The following DNAJC14 variants were observed in gnomAD, a reference collection of about 807,000 sequenced individuals.
DNAJC14 encodes dnaJ homolog subfamily C member 14.
DNAJC14 carries 12 observed loss-of-function variants against 68.8 expected under a neutral mutation model. The ratio of observed to expected loss-of-function variants is 0.17; its 90% CI spans 0.11 to 0.28. DNAJC14 has a LOEUF of 0.28. Among genes scored for constraint, DNAJC14 ranks in the 10% least tolerant of loss-of-function variants. The probability of loss-of-function intolerance (pLI) is 1.00; values close to 1 mark genes in which losing one functional copy is unlikely to be tolerated. For synonymous variants in DNAJC14, 350 were observed against 321.5 expected, an observed-to-expected ratio of 1.09 and a Z score of -0.95; for missense variants, 764 against 875.6, an observed-to-expected ratio of 0.87 and a Z score of 1.61.
At chr12:55,825,539 C>A (rs902503744) in intron 2 of DNAJC14, among the ~76,000 whole-genome samples, 1 of 131,384 alleles carries the variant, frequency 7.6e-6, no homozygotes, top group Non-Finnish European at 1.6e-5. Context: ...ATCTGCACAC[C>A]CTCTTTTTTT....
chr12:55,829,041 C>A, intron 1 of DNAJC14: 3 of 929,066 alleles, frequency 3.2e-6, no homozygotes, highest in Non-Finnish European at 3.9e-6. Flanking sequence ...GGAAAGGGGG[C>A]CACAGACTTC....
At chr12:55,829,843 C>G (rs1880929651), upstream of DNAJC14, 1 of 152,800 alleles carries the variant, frequency 6.5e-6, no homozygotes, top group Admixed American at 6.5e-5. Context: ...GACTCTGCAC[C>G]AATGCCTGCA....
At chr12:55,829,648 A>G (rs1880919013), upstream of DNAJC14, 7 of 974,626 alleles carry the variant, frequency 7.2e-6, no homozygotes, top group East Asian at 1.1e-4. Context: ...TTCCGGGGTC[A>G]CCAGGGAAGA....
At position 55,829,539 on chromosome 12, in the gene DNAJC14, G is replaced by C. The variant is rs1383002882; in HGVS notation, c.-107C>G. Reference sequence around the variant, plus strand: ...CTCGAGCCGCCCGGCCTGGGGCCAGGGTGAGCTACGAGAGCCGCTCTCCCG... The same window carrying C: ...CTCGAGCCGCCCGGCCTGGGGCCAGCGTGAGCTACGAGAGCCGCTCTCCCG... On this transcript the variant is annotated 5_prime_UTR_variant, in exon 1 of 7. Transcript: ENST00000678005. 1 of 984,948 alleles carries C rather than the reference G, an allele frequency of 1.0e-6. No homozygotes were observed. The highest frequency in any genetic ancestry group is 1.2e-6 in the Non-Finnish European group (1 of 829,894). 61.0% of individuals were successfully genotyped at this position (984,948 alleles called of 1,614,324 possible). A position where few individuals can be genotyped will look rare whatever the true frequency, so the allele number is the denominator to read the frequency against.
intron 2 of DNAJC14, among the ~76,000 whole-genome samples, chr12:55,826,143 A>C (rs1880788695): frequency 6.6e-6 from 1 of 152,156 alleles, no homozygotes; most frequent in Non-Finnish European, 1.5e-5. Context: ...CACTCCAGTT[A>C]GAGGGACTTC....
chr12:55,828,233 G>A lies in DNAJC14; in HGVS notation c.426C>T (p.Tyr142=). The part of the protein sequence containing the change: ...QGTPGIPEGP[Y]SEGGNGSSSN... ...TAGAAGAACCATTTCCTCCCTCAGA[G>A]TAAGGCCCTTCTGGAATTCCAGGTG... Residue 142 remains tyrosine (Y), a synonymous_variant, in exon 2 of 7, where the codon TAC becomes TAT. Transcript: ENST00000678005. The A allele has an allele frequency of 6.2e-7, 1 of 1,609,408 alleles. No homozygotes were observed.
At chr12:55,825,692 C>T (rs1339209741) in intron 2 of DNAJC14, among the ~76,000 whole-genome samples, 4 of 151,552 alleles carry the variant, frequency 2.6e-5, no homozygotes, top group South Asian at 2.1e-4. Context: ...TACAGGCGCC[C>T]GCCACCACAC....
chr12:55,827,396 G>A lies in DNAJC14; in HGVS notation c.1263C>T (p.Tyr421=), dbSNP rs547328892. The A allele has an allele frequency of 1.8e-5, 29 of 1,613,542 alleles. No individual in the cohort carries two copies. In the South Asian group the frequency reaches 2.6e-4, roughly 15 times the overall value. Residue 421 remains tyrosine, a synonymous_variant, in exon 2 of 7, where the codon TAC becomes TAT. Transcript: ENST00000678005. ...GAGCCACTTCCTCTTCAGGCTGGCA[G>A]TAGCGCCCACTAGCTACAGGTGCAT... is the stretch of plus-strand genomic sequence containing the variant. ...QGNAPVASGR[Y]CQPEEEVARL...
rs769937391 is a variant in DNAJC14, at chr12:55,827,817, C to G, written c.842G>C (p.Ser281Thr). Residue 281 changes from serine (S) to threonine (T), a missense_variant, in exon 2 of 7, where the codon AGC (serine) becomes ACC (threonine). Physicochemically the swap from Ser to Thr is moderately conservative, Grantham distance 58. This residue lies in a region of DNAJC14 where 514 missense variants were observed against 521.7 expected (regional missense o/e 0.99). Coordinates refer to ENST00000678005, the MANE Select transcript of DNAJC14 (RefSeq NM_032364.6). ...AACTCGAAAAAGGTCCAAATCACTG[C>G]TTTTCAGTTGCCTGCAGGCATAGAT... ...HLIYACRQLKSSDLDLFRVWM... is the reference protein window; with the variant it reads ...HLIYACRQLKTSDLDLFRVWM... 2.5e-6 allele frequency: 4 copies of G among 1,613,924 alleles called. No homozygotes were observed. Among genetic ancestry groups the G allele is most frequent in the African/African-American group, 1.3e-5 (1 of 74,950 alleles).
rs1592596147 is a variant in DNAJC14 at position 55,829,339 on chromosome 12, G to A, written c.-57+150C>T. 4 of 941,364 alleles carry A rather than the reference G, an allele frequency of 4.2e-6. No homozygotes were observed. The South Asian group carries it at 1.5e-4, about 35-fold the overall frequency. The allele number at this position is 941,364 out of a possible 1,614,324, so 58.3% of individuals were successfully genotyped here. A position where few individuals can be genotyped will look rare whatever the true frequency, so the allele number is the denominator to read the frequency against. Reference sequence around the variant, plus strand: ...GCGCACCTGTAGTCCCAGCTACTCGGGAGGCTGAGGCAGAAGAATCGCTTG... The same window carrying A: ...GCGCACCTGTAGTCCCAGCTACTCGAGAGGCTGAGGCAGAAGAATCGCTTG... On this transcript the variant is annotated intron_variant, in intron 1 of 6. Coordinates refer to ENST00000678005, the MANE Select transcript of DNAJC14 (RefSeq NM_032364.6).
Position 55,823,468 on chromosome 12 carries a change from GCCT to G in DNAJC14, c.1445_1447del (p.Glu482del). The G allele has an allele frequency of 6.2e-7, 1 of 1,614,106 alleles. No individual in the cohort carries two copies. Among genetic ancestry groups the G allele is most frequent in the Non-Finnish European group, 8.5e-7 (1 of 1,180,040 alleles). ...CCAAGCTGCTCGCAAAACCTTGAAG[GCCT>G]CCTCAGCCCGGGGATGATGATTTTT... On this transcript the variant is annotated inframe_deletion, in exon 3 of 7. Transcript: ENST00000678005.
At chr12:55,826,166 C>T (rs942924984) in intron 2 of DNAJC14, among the ~76,000 whole-genome samples, 1 of 151,368 alleles carries the variant, frequency 6.6e-6, no homozygotes, top group Non-Finnish European at 1.5e-5. Flanking sequence ...CTAGATTTTC[C>T]AGGTGAGTGA....
chr12:55,829,092 G>C (rs1880889908), intron 1 of DNAJC14: 1 of 991,292 alleles, frequency 1.0e-6, no homozygotes, highest in Non-Finnish European at 1.2e-6. Context: ...AGGAAAATCT[G>C]GGGGCGGAGC....
chr12:55,825,722 T>C (rs1168236602), intron 2 of DNAJC14, among the ~76,000 whole-genome samples: 1 of 151,926 alleles, frequency 6.6e-6, no homozygotes, highest in East Asian at 1.9e-4. Context: ...TTTTTTGTAT[T>C]TTTAGTAGAG....
Position 55,828,206 on chromosome 12 carries a change from G to A in DNAJC14, c.453C>T (p.Ser151=). The change falls in exon 2 of 7, where the codon AGC becomes AGT. Residue 151 remains serine, a synonymous_variant. Transcript: ENST00000678005. ...PYSEGGNGSS[S]NFCHHCTSPA... is the part of the protein sequence containing the mutation. ...GAGAGGTACAGTGGTGGCAAAAGTT[G>A]CTAGAAGAACCATTTCCTCCCTCAG... 1.2e-6 allele frequency: 2 copies of A among 1,611,408 alleles called. No individual in the cohort carries two copies. The highest frequency in any genetic ancestry group is 1.7e-6 in the Non-Finnish European group (2 of 1,178,856).
At position 55,825,649 on chromosome 12, in the gene DNAJC14, T is replaced by C. The variant is rs556916257; in HGVS notation, c.1407+1603A>G. 1.5e-3 allele frequency among the ~76,000 whole-genome samples: 229 copies of C among 148,886 alleles called. 1 individual carries two copies. Among genetic ancestry groups the C allele is most frequent in the African/African-American group, 5.2e-3 (210 of 40,738 alleles). On this transcript the variant is annotated intron_variant, in intron 2 of 6. Coordinates refer to ENST00000678005, the MANE Select transcript of DNAJC14 (RefSeq NM_032364.6). ...AGCTCTGCCTCCCAGGTTTACACCA[T>C]TCTCCTGCCTCAGCCTCCCGAGTAG...
chr12:55,825,680 A>C (rs1314743380), intron 2 of DNAJC14, among the ~76,000 whole-genome samples: 1 of 151,138 alleles, frequency 6.6e-6, no homozygotes, highest in African/African-American at 2.4e-5. Context: ...AGTAGCTGGG[A>C]CTACAGGCGC....
At chr12:55,825,711 T>C (rs990961436) in intron 2 of DNAJC14, among the ~76,000 whole-genome samples, 14 of 151,752 alleles carry the variant, frequency 9.2e-5, no homozygotes, top group East Asian at 1.9e-4. Flanking sequence ...ACCCGGCTAA[T>C]TTTTTTGTAT....
rs1174103236 is a variant in DNAJC14, at chr12:55,821,195, C to T, written c.*782G>A. ...TTTGGCCATCCTTGCAGAAAAGAGC[C>T]TAAAATTGGGTGATTTACCCACAAA... On this transcript the variant is annotated 3_prime_UTR_variant, in exon 7 of 7. Transcript: ENST00000678005. 6.6e-6 allele frequency: 1 copy of T among 152,582 alleles called. No individual in the cohort carries two copies. Among genetic ancestry groups the T allele is most frequent in the Non-Finnish European group, 1.5e-5 (1 of 68,028 alleles). The allele number at this position is 152,582 out of a possible 1,614,324, so 9.5% of individuals were successfully genotyped here. A position where few individuals can be genotyped will look rare whatever the true frequency, so the allele number is the denominator to read the frequency against.
Sources: allele counts gnomAD v4.1 joint callset (sites outside exome capture counted in the v4.1 genomes callset), GRCh38; gene constraint gnomAD v4.1.1; regional missense constraint gnomAD v4.1.1; transcripts MANE v1.5; gene names NCBI Gene and HGNC (gene_info 2026-07-23, HGNC 2026-07-21).